SH3BP2: variants seen among roughly 807,000 people sequenced by gnomAD.
The protein encoded by SH3BP2 is SH3 domain-binding protein 2.
SH3BP2 carries 38 observed loss-of-function variants against 56.2 expected under a neutral mutation model. The ratio of observed to expected loss-of-function variants is 0.68; its 90% CI spans 0.52 to 0.89. The LOEUF (loss-of-function observed/expected upper bound fraction) is 0.89, where lower values mean the gene tolerates loss of function less well. Ranked by LOEUF, SH3BP2 falls within the 40% of genes least tolerant of loss-of-function variation. The pLI is 0.00. For missense variants in SH3BP2, 748 were observed against 762.6 expected (o/e 0.98, Z 0.23); for synonymous variants, 346 against 316.7 (o/e 1.09, Z -0.98).
intron 1 of SH3BP2, among the ~76,000 whole-genome samples, chr4:2,812,736 C>CG (rs1427755796): frequency 2.0e-5 from 3 of 152,064 alleles, no homozygotes; most frequent in Non-Finnish European, 4.4e-5. Context: ...CCCCCACCCC[C>CG]CCATCACATG....
At chr4:2,796,724 C>G (rs1411089062) in intron 1 of SH3BP2, 1 of 152,558 alleles carries the variant, frequency 6.6e-6, no homozygotes, top group East Asian at 1.9e-4. Flanking sequence ...CTCCAGGCAG[C>G]TGGGTGGGGC....
At position 2,833,008 on chromosome 4, in the gene SH3BP2, G is replaced by A. The variant is rs767658389; in HGVS notation, c.1507G>A (p.Glu503Lys). 51 of 1,614,078 alleles carry A rather than the reference G, an allele frequency of 3.2e-5. No homozygotes were observed. The highest frequency in any genetic ancestry group is 2.3e-4 in the Admixed American group (14 of 60,006). The change falls in exon 12 of 13, where the codon GAA becomes AAA. Residue 503 changes from glutamate to lysine, a missense_variant. This residue lies in a region of SH3BP2 where 635 missense variants were observed against 615.0 expected (regional missense o/e 1.03). Coordinates refer to ENST00000503393, the MANE Select transcript of SH3BP2 (RefSeq NM_001122681.2). ...CCTGTAGGTCCTGGTTGTGTGGGAC[G>A]AAACCTCTAACAAAGTGAGGAACTA... is the stretch of plus-strand genomic sequence containing the variant. ...KSGKVLVVWD[E>K]TSNKVRNYRI...
intron 8 of SH3BP2, among the ~76,000 whole-genome samples, chr4:2,830,722 A>G (rs937450641): frequency 1.6e-4 from 25 of 152,216 alleles, no homozygotes; most frequent in Admixed American, 1.4e-3. Flanking sequence ...CCCCACTCCC[A>G]CAGAGTTACG....
rs1230153297 is a variant in SH3BP2, at chr4:2,832,053, T to G, written c.1406+75T>G. On this transcript the variant is annotated intron_variant, in intron 10 of 12. Transcript: ENST00000503393. ...CTGCTTCTGTGTCCCTCTCACTAGC[T>G]TCCGTGTTGGGGAGTTGCTGGCACA... 1.2e-5 allele frequency: 18 copies of G among 1,495,716 alleles called. No individual in the cohort carries two copies. In the African/African-American group the frequency reaches 2.1e-4, roughly 17 times the overall value. 92.7% of individuals were successfully genotyped at this position (1,495,716 alleles called of 1,614,324 possible).
In SH3BP2 at chr4:2,832,934, G is replaced by A. The variant is rs558677033; in HGVS notation, c.1489-56G>A. ...CCCTATCCCCAGCCCATGGTCTCCC[G>A]AGGCTGGTCCCGCTGTTTCTCAGGG... On this transcript the variant is annotated intron_variant, in intron 11 of 12. Coordinates refer to ENST00000503393, the MANE Select transcript of SH3BP2 (RefSeq NM_001122681.2). 9.1e-5 allele frequency: 142 copies of A among 1,559,308 alleles called. 1 individual carries two copies. The East Asian group carries it at 9.2e-4, about 10-fold the overall frequency.
chr4:2,801,601 C>G (rs540474669), intron 1 of SH3BP2, among the ~76,000 whole-genome samples: 1 of 152,076 alleles, frequency 6.6e-6, no homozygotes, highest in African/African-American at 2.4e-5. Context: ...GCTGGCCTGT[C>G]GCCTTGAGCC....
intron 5 of SH3BP2, chr4:2,826,395 T>G (rs1237914686): frequency 5.5e-6 from 1 of 182,990 alleles, no homozygotes; most frequent in Non-Finnish European, 1.1e-5. Flanking sequence ...CGTGTTGCTC[T>G]GTGTGTGTGC....
At chr4:2,793,363 G>A (rs1248374582) in intron 1 of SH3BP2, among the ~76,000 whole-genome samples, 1 of 148,716 alleles carries the variant, frequency 6.7e-6, no homozygotes, top group Admixed American at 6.6e-5. Flanking sequence ...AGGTCTCGGG[G>A]GAGTCTCAGG....
chr4:2,799,324 T>A, intron 1 of SH3BP2: 1 of 984,604 alleles, frequency 1.0e-6, no homozygotes, highest in Non-Finnish European at 1.2e-6. Flanking sequence ...GGGCCCTGGG[T>A]GTGTAAAGTG....
chr4:2,821,310 A>T (rs1307831620), intron 2 of SH3BP2, among the ~76,000 whole-genome samples: 1 of 152,096 alleles, frequency 6.6e-6, no homozygotes, highest in East Asian at 1.9e-4. Context: ...TCTGCCAGGG[A>T]CTCCCTGGTC....
chr4:2,828,757 C>T (rs1288776229), intron 7 of SH3BP2, among the ~76,000 whole-genome samples: 2 of 152,232 alleles, frequency 1.3e-5, no homozygotes, highest in Non-Finnish European at 2.9e-5. Flanking sequence ...CGAGACATTT[C>T]TCGTCCAGGA....
chr4:2,795,562 G>A (rs116287867), intron 1 of SH3BP2, among the ~76,000 whole-genome samples: 1,791 of 152,308 alleles, frequency 0.012, 43 homozygotes, highest in African/African-American at 0.041. Context: ...GCAGGCTGGC[G>A]GGGAAAAGAC....
chr4:2,803,083 G>A (rs762292353), intron 1 of SH3BP2, among the ~76,000 whole-genome samples: 1 of 152,238 alleles, frequency 6.6e-6, no homozygotes, highest in Non-Finnish European at 1.5e-5. Flanking sequence ...CGCCAAGACC[G>A]CCACGGTACG....
In SH3BP2 at chr4:2,841,021, C is replaced by T. The variant is rs1725407286; in HGVS notation, c.*7187C>T. On this transcript the variant is annotated 3_prime_UTR_variant, in exon 13 of 13. Coordinates refer to ENST00000503393, the MANE Select transcript of SH3BP2 (RefSeq NM_001122681.2). ...TTTTTTGTTAATAGCATATAAAACACACCTTGTCTTTTAACTGGAGCATTT... is the reference window on the plus strand; with the variant it reads ...TTTTTTGTTAATAGCATATAAAACATACCTTGTCTTTTAACTGGAGCATTT... 6.6e-6 allele frequency: 1 copy of T among 151,436 alleles called. No individual in the cohort carries two copies. Among genetic ancestry groups the T allele is most frequent in the Non-Finnish European group, 1.5e-5 (1 of 67,910 alleles). The allele number at this position is 151,436 out of a possible 1,614,324, so 9.4% of individuals were successfully genotyped here. A position where few individuals can be genotyped will look rare whatever the true frequency, so the allele number is the denominator to read the frequency against.
Position 2,839,026 on chromosome 4 carries a change from T to G in SH3BP2, c.*5192T>G, listed in dbSNP as rs1335100824. ...ACTTTTGCCAGTCTGGTGGGGTGTATAGTTATGGCCTTAATTTGCATTTAG... is the reference window on the plus strand; with the variant it reads ...ACTTTTGCCAGTCTGGTGGGGTGTAGAGTTATGGCCTTAATTTGCATTTAG... On this transcript the variant is annotated 3_prime_UTR_variant, in exon 13 of 13. Transcript: ENST00000503393. The G allele has an allele frequency of 6.6e-6, 1 of 152,208 alleles. No individual in the cohort carries two copies. The highest frequency in any genetic ancestry group is 1.5e-5 in the Non-Finnish European group (1 of 68,030). 9.4% of individuals were successfully genotyped at this position (152,208 alleles called of 1,614,324 possible). A position where few individuals can be genotyped will look rare whatever the true frequency, so the allele number is the denominator to read the frequency against.
chr4:2,812,410 G>A lies in SH3BP2; in HGVS notation c.-4-8204G>A, dbSNP rs937163777. 25 of 1,550,170 alleles carry A rather than the reference G, an allele frequency of 1.6e-5. No individual in the cohort carries two copies. The Admixed American group carries it at 3.7e-4, about 23-fold the overall frequency. ...GCCCCTGAGCCGCATGGCCTCCCTG[G>A]GCCCCAGGACACCGGCCCCGAGCAG... On this transcript the variant is annotated intron_variant, in intron 1 of 12. Coordinates refer to ENST00000503393, the MANE Select transcript of SH3BP2 (RefSeq NM_001122681.2).
In SH3BP2 at chr4:2,826,959, G is replaced by C. The variant is rs536846630; in HGVS notation, c.429-271G>C. The C allele has an allele frequency of 9.5e-6, 6 of 628,330 alleles. No individual in the cohort carries two copies. The Admixed American group carries it at 1.3e-4, about 13-fold the overall frequency. 38.9% of individuals were successfully genotyped at this position (628,330 alleles called of 1,614,324 possible). The stretch of plus-strand genomic sequence containing the variant: ...TTCCTGCGTGTGCTTGTGTGTGCAC[G>C]TGTGCATTTGTGTGTTTGTCAGAGT... On this transcript the variant is annotated intron_variant, in intron 5 of 12. Coordinates refer to ENST00000503393, the MANE Select transcript of SH3BP2 (RefSeq NM_001122681.2).
At chr4:2,806,390 C>T (rs911820053) in intron 1 of SH3BP2, among the ~76,000 whole-genome samples, 3 of 152,124 alleles carry the variant, frequency 2.0e-5, no homozygotes, top group African/African-American at 4.8e-5. Context: ...GTGGTGGACC[C>T]GGCCCACCCC....
At position 2,810,808 on chromosome 4, in the gene SH3BP2, C is replaced by T. The variant is rs775881050; in HGVS notation, c.-4-9806C>T. On this transcript the variant is annotated intron_variant, in intron 1 of 12. Coordinates refer to ENST00000503393, the MANE Select transcript of SH3BP2 (RefSeq NM_001122681.2). The surrounding 1 kb of genome is among the most constrained non-coding windows in gnomAD (Gnocchi z 4.2). ...CAACTGTCAGAACTGCCTGCCTCATCGTCCAGGCTGGGCAGTGGCCCAGGG... is the reference window on the plus strand; with the variant it reads ...CAACTGTCAGAACTGCCTGCCTCATTGTCCAGGCTGGGCAGTGGCCCAGGG... Among the ~76,000 whole-genome samples the T allele has an allele frequency of 1.2e-4, 19 of 152,348 alleles. No homozygotes were observed. Among genetic ancestry groups the T allele is most frequent in the Admixed American group, 7.8e-4 (12 of 15,312 alleles).
Sources: allele counts gnomAD v4.1 joint callset (sites outside exome capture counted in the v4.1 genomes callset), GRCh38; gene constraint gnomAD v4.1.1; regional missense constraint gnomAD v4.1.1; non-coding constraint Gnocchi (gnomAD v3.1); transcripts MANE v1.5; gene names NCBI Gene and HGNC (gene_info 2026-07-23, HGNC 2026-07-21).